Variants in OR5D18 observed in about 807,000 individuals in gnomAD.
The protein encoded by OR5D18 is olfactory receptor 5D18.
For missense variants in OR5D18, 394 were observed against 367.3 expected (o/e 1.07, Z -0.59); for synonymous variants, 158 against 152.5 (o/e 1.04, Z -0.27).
Position 55,820,352 on chromosome 11 carries a change from C to T in OR5D18, c.723C>T (p.Thr241=). ...GTGGGCGCCGCAAAGCCTTCTCCAC[C>T]TGTGCCTCCCACCTGACTGCCATCA... The part of the protein sequence containing the change: ...SVSGRRKAFS[T]CASHLTAITI... Residue 241 remains threonine (T), a synonymous_variant, in exon 1 of 1, where the codon ACC becomes ACT. Transcript: ENST00000333976. 1.2e-6 allele frequency: 2 copies of T among 1,613,960 alleles called. No homozygotes were observed. The highest frequency in any genetic ancestry group is 1.7e-6 in the Non-Finnish European group (2 of 1,180,034).
In OR5D18 at chr11:55,819,988, C is replaced by T. The variant is rs781532175; in HGVS notation, c.359C>T (p.Ala120Val). Residue 120 changes from alanine (A) to valine (V), a missense_variant, in exon 1 of 1, where the codon GCC (alanine) becomes GTC (valine). By Grantham distance (64) the Ala-to-Val change is moderately conservative (BLOSUM62 0). Coordinates refer to ENST00000333976, the MANE Select transcript of OR5D18 (RefSeq NM_001001952.1). ...VTESFLLAVM[A>V]YDRFVAICNP... is the part of the protein sequence containing the mutation. ...GAATCCTTTTTATTAGCTGTGATGG[C>T]CTATGACCGCTTCGTGGCCATTTGC... 4.3e-6 allele frequency: 7 copies of T among 1,613,720 alleles called. No individual in the cohort carries two copies. The highest frequency in any genetic ancestry group is 1.3e-5 in the African/African-American group (1 of 74,724).
Position 55,820,531 on chromosome 11 carries a change from C to T in OR5D18, c.902C>T (p.Thr301Ile), listed in dbSNP as rs144754028. The change falls in exon 1 of 1, where the codon ACA (threonine) becomes ATA (isoleucine). Residue 301 changes from threonine (T) to isoleucine (I), a missense_variant. Transcript: ENST00000333976. ...YSLRNKDVKD[T>I]VTEILDTKVF... ...CTGAGAAATAAAGATGTCAAGGATA[C>T]AGTCACCGAGATACTGGACACCAAA... The T allele has an allele frequency of 6.2e-7, 1 of 1,611,960 alleles. No individual in the cohort carries two copies. Among genetic ancestry groups the T allele is most frequent in the Non-Finnish European group, 8.5e-7 (1 of 1,179,890 alleles).
In OR5D18 at chr11:55,819,893, C is replaced by A. The variant is rs1329135237; in HGVS notation, c.264C>A (p.Val88=). The part of the protein sequence containing the change: ...IAPKMLVNLV[V]KDRTISFLGC... ...CCAAGATGTTGGTGAACCTTGTTGT[C>A]AAAGACAGAACCATTTCATTTTTAG... is the stretch of plus-strand genomic sequence containing the variant. Residue 88 remains valine (V), a synonymous_variant, in exon 1 of 1, where the codon GTC becomes GTA. Coordinates refer to ENST00000333976, the MANE Select transcript of OR5D18 (RefSeq NM_001001952.1). 5 of 1,614,028 alleles carry A rather than the reference C, an allele frequency of 3.1e-6. No individual in the cohort carries two copies. Among genetic ancestry groups the A allele is most frequent in the Non-Finnish European group, 4.2e-6 (5 of 1,180,000 alleles).
In OR5D18 at chr11:55,820,306, T is replaced by C; in HGVS notation, c.677T>C (p.Ile226Thr). The change falls in exon 1 of 1, where the codon ATC (isoleucine) becomes ACC (threonine). Residue 226 changes from isoleucine (I) to threonine (T), a missense_variant. Ile to Thr is a moderately conservative substitution (Grantham distance 89). Transcript: ENST00000333976. ...LTSYAFIVVT[I>T]LKMRSVSGRR... ...TCTTATGCGTTCATTGTTGTAACCA[T>C]CCTCAAGATGCGTTCAGTCAGTGGG... The C allele has an allele frequency of 1.2e-6, 2 of 1,613,902 alleles. No individual in the cohort carries two copies. Among genetic ancestry groups the C allele is most frequent in the Non-Finnish European group, 1.7e-6 (2 of 1,180,018 alleles).
chr11:55,819,932 A>G lies in OR5D18; in HGVS notation c.303A>G (p.Gln101=). ...RTISFLGCVV[Q]FFFFCTFVVT... ...TTTCATTTTTAGGATGCGTAGTACA[A>G]TTCTTTTTCTTCTGTACCTTTGTGG... The change falls in exon 1 of 1, where the codon CAA becomes CAG. Residue 101 remains glutamine (Q), a synonymous_variant. Transcript: ENST00000333976. 1.2e-6 allele frequency: 2 copies of G among 1,613,954 alleles called. No individual in the cohort carries two copies. The highest frequency in any genetic ancestry group is 1.1e-5 in the South Asian group (1 of 91,076).
In OR5D18 at chr11:55,820,111, C is replaced by T. The variant is rs62001009; in HGVS notation, c.482C>T (p.Thr161Met). 0.014 allele frequency: 22,198 copies of T among 1,613,784 alleles called. 264 individuals are homozygous for T. Among genetic ancestry groups the T allele is most frequent in the South Asian group, 0.033 (2,984 of 91,068 alleles). The change falls in exon 1 of 1, where the codon ACG becomes ATG. Residue 161 changes from threonine (T) to methionine (M), a missense_variant. Transcript: ENST00000333976. ...AWGVSCSLEL[T>M]CSALKLCFHG... Reference sequence around the variant, plus strand: ...GGAGTCTCATGTTCCTTGGAACTGACGTGCTCTGCTTTAAAGTTATGTTTT... The same window carrying T: ...GGAGTCTCATGTTCCTTGGAACTGATGTGCTCTGCTTTAAAGTTATGTTTT...
chr11:55,820,382 C>A lies in OR5D18; in HGVS notation c.753C>A (p.Ile251=). The A allele has an allele frequency of 6.2e-7, 1 of 1,614,050 alleles. No homozygotes were observed. Among genetic ancestry groups the A allele is most frequent in the South Asian group, 1.1e-5 (1 of 91,076 alleles). ...CCTCCCACCTGACTGCCATCACCAT[C>A]TTCCATGGCACCATCCTCTTCCTTT... is the stretch of plus-strand genomic sequence containing the variant. ...TCASHLTAIT[I]FHGTILFLYC... The change falls in exon 1 of 1, where the codon ATC becomes ATA. Residue 251 remains isoleucine (I), a synonymous_variant. Transcript: ENST00000333976.
Position 55,819,771 on chromosome 11 carries a change from G to A in OR5D18, c.142G>A (p.Val48Met), listed in dbSNP as rs1853805863. Residue 48 changes from valine (V) to methionine (M), a missense_variant, in exon 1 of 1, where the codon GTG becomes ATG. Physicochemically the swap from Val to Met is conservative, Grantham distance 21. Coordinates refer to ENST00000333976, the MANE Select transcript of OR5D18 (RefSeq NM_001001952.1). The part of the protein sequence containing the change: ...VTVLGNIGLI[V>M]IIKINPKLHT... ...TGTGCTAGGGAATATTGGGTTGATT[G>A]TGATCATCAAAATCAACCCCAAACT... The A allele has an allele frequency of 2.5e-6, 4 of 1,613,314 alleles. No homozygotes were observed. In the East Asian group the frequency reaches 8.9e-5, roughly 36 times the overall value.
Position 55,819,865 on chromosome 11 carries a change from C to A in OR5D18, c.236C>A (p.Ala79Asp), listed in dbSNP as rs538778668. ...FVDFCYSSII[A>D]PKMLVNLVVK... ...GATTTCTGCTATTCCTCCATCATTGCTCCCAAGATGTTGGTGAACCTTGTT... is the reference window on the plus strand; with the variant it reads ...GATTTCTGCTATTCCTCCATCATTGATCCCAAGATGTTGGTGAACCTTGTT... The change falls in exon 1 of 1, where the codon GCT becomes GAT. Residue 79 changes from alanine (A) to aspartate (D), a missense_variant. By Grantham distance (126) the Ala-to-Asp change is moderately radical (BLOSUM62 -2). Transcript: ENST00000333976. 6.2e-7 allele frequency: 1 copy of A among 1,613,564 alleles called. No individual in the cohort carries two copies. The highest frequency in any genetic ancestry group is 1.3e-5 in the African/African-American group (1 of 74,798).
At position 55,819,814 on chromosome 11, in the gene OR5D18, T is replaced by A. The variant is rs1853807451; in HGVS notation, c.185T>A (p.Phe62Tyr). ...CCCAAACTGCATACCCCCATGTACT[T>A]TTTCCTCAGCCAACTCTCCTTTGTG... ...INPKLHTPMY[F>Y]FLSQLSFVDF... Residue 62 changes from phenylalanine to tyrosine, a missense_variant, in exon 1 of 1, where the codon TTT becomes TAT. By Grantham distance (22) the Phe-to-Tyr change is conservative (BLOSUM62 3). Transcript: ENST00000333976. 1 of 1,613,804 alleles carries A rather than the reference T, an allele frequency of 6.2e-7. No homozygotes were observed. Among genetic ancestry groups the A allele is most frequent in the African/African-American group, 1.3e-5 (1 of 74,746 alleles).
At position 55,820,235 on chromosome 11, in the gene OR5D18, T is replaced by C. The variant is rs1853816293; in HGVS notation, c.606T>C (p.Phe202=). 6.2e-7 allele frequency: 1 copy of C among 1,613,960 alleles called. No individual in the cohort carries two copies. Among genetic ancestry groups the C allele is most frequent in the African/African-American group, 1.3e-5 (1 of 74,834 alleles). Residue 202 remains phenylalanine (F), a synonymous_variant, in exon 1 of 1, where the codon TTT becomes TTC. Transcript: ENST00000333976. The stretch of plus-strand genomic sequence containing the variant: ...ACATCAACCAGTGGCTGCTATTCTT[T>C]CTTGCCACCTTTAATGAAATCAGCA... ...DTYINQWLLF[F]LATFNEISTL...
rs1451630401 is a variant in OR5D18, at chr11:55,820,269, A to C, written c.640A>C (p.Ile214Leu). 6.2e-7 allele frequency: 1 copy of C among 1,613,808 alleles called. No individual in the cohort carries two copies. The highest frequency in any genetic ancestry group is 2.2e-5 in the East Asian group (1 of 44,864). The stretch of plus-strand genomic sequence containing the variant: ...CTTTAATGAAATCAGCACACTACTC[A>C]TCGTTCTCACATCTTATGCGTTCAT... ...ATFNEISTLL[I>L]VLTSYAFIVV... Residue 214 changes from isoleucine (I) to leucine (L), a missense_variant, in exon 1 of 1, where the codon ATC becomes CTC. Coordinates refer to ENST00000333976, the MANE Select transcript of OR5D18 (RefSeq NM_001001952.1).
In OR5D18 at chr11:55,820,094, A is replaced by G. The variant is rs770756056; in HGVS notation, c.465A>G (p.Ser155=). The change falls in exon 1 of 1, where the codon TCA becomes TCG. Residue 155 remains serine, a synonymous_variant. Coordinates refer to ENST00000333976, the MANE Select transcript of OR5D18 (RefSeq NM_001001952.1). ...LVVGSYAWGV[S]CSLELTCSAL... ...TGGGATCCTATGCCTGGGGAGTCTCATGTTCCTTGGAACTGACGTGCTCTG... is the reference window on the plus strand; with the variant it reads ...TGGGATCCTATGCCTGGGGAGTCTCGTGTTCCTTGGAACTGACGTGCTCTG... The G allele has an allele frequency of 6.8e-6, 11 of 1,613,862 alleles. No homozygotes were observed. The highest frequency in any genetic ancestry group is 8.5e-6 in the Non-Finnish European group (10 of 1,180,000).
rs1189525540 is a variant in OR5D18 at position 55,819,982 on chromosome 11, T to C, written c.353T>C (p.Val118Ala). The change falls in exon 1 of 1, where the codon GTG (valine) becomes GCG (alanine). Residue 118 changes from valine to alanine, a missense_variant. Val to Ala is a moderately conservative substitution (Grantham distance 64). Coordinates refer to ENST00000333976, the MANE Select transcript of OR5D18 (RefSeq NM_001001952.1). ...GTCACTGAATCCTTTTTATTAGCTG[T>C]GATGGCCTATGACCGCTTCGTGGCC... The part of the protein sequence containing the change: ...FVVTESFLLA[V>A]MAYDRFVAIC... 1.8e-5 allele frequency: 29 copies of C among 1,613,952 alleles called. No homozygotes were observed. The highest frequency in any genetic ancestry group is 2.4e-5 in the Non-Finnish European group (28 of 1,179,996).
At position 55,820,495 on chromosome 11, in the gene OR5D18, T is replaced by A; in HGVS notation, c.866T>A (p.Leu289Gln). The change falls in exon 1 of 1, where the codon CTG becomes CAG. Residue 289 changes from leucine to glutamine, a missense_variant. By Grantham distance (113) the Leu-to-Gln change is moderately radical. Transcript: ENST00000333976. ...YTVVIPMLNP[L>Q]IYSLRNKDVK... is the part of the protein sequence containing the mutation. ...GTGGTGATCCCCATGTTGAATCCCC[T>A]GATCTACAGTCTGAGAAATAAAGAT... The A allele has an allele frequency of 6.2e-7, 1 of 1,613,860 alleles. No individual in the cohort carries two copies. The highest frequency in any genetic ancestry group is 8.5e-7 in the Non-Finnish European group (1 of 1,180,012).
At position 55,819,751 on chromosome 11, in the gene OR5D18, T is replaced by C; in HGVS notation, c.122T>C (p.Leu41Pro). 6.2e-7 allele frequency: 1 copy of C among 1,613,774 alleles called. No individual in the cohort carries two copies. Among genetic ancestry groups the C allele is most frequent in the Non-Finnish European group, 8.5e-7 (1 of 1,179,816 alleles). The change falls in exon 1 of 1, where the codon CTA becomes CCA. Residue 41 changes from leucine to proline, a missense_variant. Physicochemically the swap from Leu to Pro is moderately conservative, Grantham distance 98 (BLOSUM62 -3). Coordinates refer to ENST00000333976, the MANE Select transcript of OR5D18 (RefSeq NM_001001952.1). ...CTGGCCATCTACAATGTCACTGTGC[T>C]AGGGAATATTGGGTTGATTGTGATC... ...VFLAIYNVTVLGNIGLIVIIK... is the reference protein window; with the variant it reads ...VFLAIYNVTVPGNIGLIVIIK...
rs370475563 is a variant in OR5D18, at chr11:55,819,767, G to C, written c.138G>C (p.Leu46Phe). The C allele has an allele frequency of 6.2e-7, 1 of 1,613,734 alleles. No homozygotes were observed. Among genetic ancestry groups the C allele is most frequent in the African/African-American group, 1.3e-5 (1 of 74,720 alleles). ...TCACTGTGCTAGGGAATATTGGGTTGATTGTGATCATCAAAATCAACCCCA... is the reference window on the plus strand; with the variant it reads ...TCACTGTGCTAGGGAATATTGGGTTCATTGTGATCATCAAAATCAACCCCA... ...YNVTVLGNIG[L>F]IVIIKINPKL... is the part of the protein sequence containing the mutation. Residue 46 changes from leucine (L) to phenylalanine (F), a missense_variant, in exon 1 of 1, where the codon TTG (leucine) becomes TTC (phenylalanine). Coordinates refer to ENST00000333976, the MANE Select transcript of OR5D18 (RefSeq NM_001001952.1).
chr11:55,820,241 C>T lies in OR5D18; in HGVS notation c.612C>T (p.Ala204=), dbSNP rs761475487. Residue 204 remains alanine, a synonymous_variant, in exon 1 of 1, where the codon GCC becomes GCT. Transcript: ENST00000333976. Reference sequence around the variant, plus strand: ...ACCAGTGGCTGCTATTCTTTCTTGCCACCTTTAATGAAATCAGCACACTAC... The same window carrying T: ...ACCAGTGGCTGCTATTCTTTCTTGCTACCTTTAATGAAATCAGCACACTAC... The part of the protein sequence containing the change: ...YINQWLLFFL[A]TFNEISTLLI... 1 of 1,613,976 alleles carries T rather than the reference C, an allele frequency of 6.2e-7. No individual in the cohort carries two copies. Among genetic ancestry groups the T allele is most frequent in the South Asian group, 1.1e-5 (1 of 91,066 alleles).
rs376547482 is a variant in OR5D18, at chr11:55,820,089, G to A, written c.460G>A (p.Val154Ile). Residue 154 changes from valine (V) to isoleucine (I), a missense_variant, in exon 1 of 1, where the codon GTC becomes ATC. By Grantham distance (29) the Val-to-Ile change is conservative. Coordinates refer to ENST00000333976, the MANE Select transcript of OR5D18 (RefSeq NM_001001952.1). ...LLVVGSYAWG[V>I]SCSLELTCSA... The stretch of plus-strand genomic sequence containing the variant: ...GGTTGTGGGATCCTATGCCTGGGGA[G>A]TCTCATGTTCCTTGGAACTGACGTG... 3.2e-5 allele frequency: 51 copies of A among 1,613,810 alleles called. No homozygotes were observed. The highest frequency in any genetic ancestry group is 6.7e-5 in the African/African-American group (5 of 74,734).
Sources: gnomAD v4.1 joint callset for allele counts on GRCh38, gnomAD v4.1.1 for gene constraint, MANE v1.5 for transcripts, NCBI Gene and HGNC (gene_info 2026-07-23, HGNC 2026-07-21) for gene names.